RBM19: variants seen among roughly 807,000 people sequenced by gnomAD.
RBM19 encodes the protein probable RNA-binding protein 19.
RBM19 carries 94 observed loss-of-function variants against 116.8 expected under a neutral mutation model. The ratio of observed to expected loss-of-function variants is 0.80; its 90% confidence interval spans 0.68 to 0.95. The LOEUF (loss-of-function observed/expected upper bound fraction) is 0.95. Ranked by LOEUF, RBM19 falls within the 40% of genes least tolerant of loss-of-function variation. RBM19 has a pLI of 0.00. For synonymous variants in RBM19, 475 were observed against 494.1 expected (o/e 0.96, Z 0.51); for missense variants, 1,161 against 1,220.7 (o/e 0.95, Z 0.73).
intron 18 of RBM19, among the ~76,000 whole-genome samples, chr12:113,924,097 G>A (rs371311809): frequency 6.6e-5 from 10 of 152,210 alleles, no homozygotes; most frequent in African/African-American, 2.4e-4. Context: ...AGGAAGCCAG[G>A]GCTGGAGCCC....
At chr12:113,826,470 C>A (rs995250800) in intron 23 of RBM19, among the ~76,000 whole-genome samples, 4 of 152,200 alleles carry the variant, frequency 2.6e-5, no homozygotes, top group African/African-American at 9.7e-5. Context: ...GAAGGACAAA[C>A]AGCAGCTGAG....
intron 10 of RBM19, among the ~76,000 whole-genome samples, chr12:113,947,732 A>G (rs1871153637): frequency 6.6e-6 from 1 of 152,184 alleles, no homozygotes; most frequent in African/African-American, 2.4e-5. Context: ...TACCTAGCTC[A>G]TGGGCTAAAT....
At position 113,924,761 on chromosome 12, in the gene RBM19, G is replaced by C. The variant is rs761391939; in HGVS notation, c.2245-4C>G. Reference sequence around the variant, plus strand: ...CTGTCCCCACTTTTGAAAACACCTGGATAAGAAAGTAACAAGTATCATCAG... The same window carrying C: ...CTGTCCCCACTTTTGAAAACACCTGCATAAGAAAGTAACAAGTATCATCAG... On this transcript the variant is annotated splice_region_variant and splice_polypyrimidine_tract_variant and intron_variant, in intron 17 of 23. Coordinates refer to ENST00000261741, the MANE Select transcript of RBM19 (RefSeq NM_016196.4). 3.9e-6 allele frequency: 6 copies of C among 1,539,642 alleles called. No homozygotes were observed. Among genetic ancestry groups the C allele is most frequent in the Non-Finnish European group, 5.4e-6 (6 of 1,112,528 alleles).
Position 113,957,904 on chromosome 12 carries a change from T to G in RBM19, c.718A>C (p.Ser240Arg). The G allele has an allele frequency of 6.2e-7, 1 of 1,614,158 alleles. No homozygotes were observed. The highest frequency in any genetic ancestry group is 8.5e-7 in the Non-Finnish European group (1 of 1,180,024). Residue 240 changes from serine to arginine, a missense_variant, in exon 6 of 24, where the codon AGT (serine) becomes CGT (arginine). Physicochemically the swap from Ser to Arg is moderately radical, Grantham distance 110. Transcript: ENST00000261741. ...GAGGAATCCTCTTCCTCGGCCTCACTCCCTTCATCACAGTGCACGGCTTCA... is the reference window on the plus strand; with the variant it reads ...GAGGAATCCTCTTCCTCGGCCTCACGCCCTTCATCACAGTGCACGGCTTCA... ...EDEAVHCDEG[S>R]EAEEEDSSAT...
rs905178340 is a variant in RBM19 at position 113,924,834 on chromosome 12, C to T, written c.2245-77G>A. On this transcript the variant is annotated intron_variant, in intron 17 of 23. Coordinates refer to ENST00000261741, the MANE Select transcript of RBM19 (RefSeq NM_016196.4). ...CAAGGGCACCTGTCAAACACTATAC[C>T]CCCAAATTTGCCATATGGACACCTT... The T allele has an allele frequency of 4.8e-6, 6 of 1,261,902 alleles. No individual in the cohort carries two copies. The Admixed American group carries it at 5.1e-5, about 11-fold the overall frequency. The allele number at this position is 1,261,902 out of a possible 1,614,324, so 78.2% of individuals were successfully genotyped here. A position where few individuals can be genotyped will look rare whatever the true frequency, so the allele number is the denominator to read the frequency against.
chr12:113,821,003 C>G (rs887399007), downstream of RBM19, among the ~76,000 whole-genome samples: 2 of 152,204 alleles, frequency 1.3e-5, no homozygotes, highest in Non-Finnish European at 2.9e-5. Flanking sequence ...TGGCAGGGGC[C>G]TGCAGCTGCC....
chr12:113,864,625 T>C (rs1052568551), intron 21 of RBM19, among the ~76,000 whole-genome samples: 5 of 152,196 alleles, frequency 3.3e-5, no homozygotes, highest in South Asian at 4.1e-4. Context: ...TTGTGGCAAG[T>C]TGGAGAGATA....
chr12:113,833,265 T>C (rs1452967948), intron 23 of RBM19, among the ~76,000 whole-genome samples: 1 of 152,202 alleles, frequency 6.6e-6, no homozygotes, highest in African/African-American at 2.4e-5. Context: ...CAGAAGCAAG[T>C]CTGGCTGGCT....
At chr12:113,879,354 G>C (rs1051468185) in intron 21 of RBM19, among the ~76,000 whole-genome samples, 3 of 151,106 alleles carry the variant, frequency 2.0e-5, no homozygotes, top group African/African-American at 7.3e-5. Flanking sequence ...AGGTCTTCTG[G>C]TTTGGAGAGA....
chr12:113,921,541 T>C lies in RBM19; in HGVS notation c.2306-851A>G, dbSNP rs567518498. ...ACTTTGCAGGTCCTATCTTTACCTT[T>C]ACTGTGCTGTTTGTGAGACCTATGC... On this transcript the variant is annotated intron_variant, in intron 18 of 23. Transcript: ENST00000261741. Among the ~76,000 whole-genome samples, 5 of 152,202 alleles carry C rather than the reference T, an allele frequency of 3.3e-5. No homozygotes were observed. The South Asian group carries it at 1.0e-3, about 32-fold the overall frequency.
chr12:113,871,151 G>A (rs560869751), intron 21 of RBM19, among the ~76,000 whole-genome samples: 21 of 152,334 alleles, frequency 1.4e-4, no homozygotes, highest in Middle Eastern at 3.4e-3. Flanking sequence ...AGGAGATGTT[G>A]TCACGCACTC....
At chr12:113,960,330 C>T (rs1872384318) in intron 2 of RBM19, 152 bp from the exon 3 acceptor site, 1 of 933,600 alleles carries the variant, frequency 1.1e-6, no homozygotes, top group South Asian at 1.7e-5. Context: ...TTAGCCTGGG[C>T]TTTCTTTCCC....
At chr12:113,894,614 C>A (rs994274373) in intron 21 of RBM19, among the ~76,000 whole-genome samples, 1 of 152,182 alleles carries the variant, frequency 6.6e-6, no homozygotes, top group African/African-American at 2.4e-5. Flanking sequence ...TTTCTTTCAA[C>A]TGACATTTTT....
chr12:113,927,977 T>C (rs1299773308), intron 16 of RBM19, among the ~76,000 whole-genome samples: 1 of 152,204 alleles, frequency 6.6e-6, no homozygotes, highest in African/African-American at 2.4e-5. Context: ...ATATAAAAGT[T>C]AGAGAAAAAT....
chr12:113,950,094 C>T lies in RBM19; in HGVS notation c.1061G>A (p.Arg354Gln), dbSNP rs199576221. 3.1e-5 allele frequency: 50 copies of T among 1,606,956 alleles called. No individual in the cohort carries two copies. The highest frequency in any genetic ancestry group is 1.7e-4 in the Middle Eastern group (1 of 6,050). ...CAGGGCTTCCTTACCCATGTACTCC[C>T]GGTTGCATTTCAGAGCTTGCTTCAC... ...EEVKQALKCN[R>Q]EYMGGRYIEV... Residue 354 changes from arginine to glutamine, a missense_variant, in exon 9 of 24, where the codon CGG (arginine) becomes CAG (glutamine). Physicochemically the swap from Arg to Gln is conservative, Grantham distance 43. Coordinates refer to ENST00000261741, the MANE Select transcript of RBM19 (RefSeq NM_016196.4).
At chr12:113,954,982 G>T (rs1302705156) in intron 7 of RBM19, 149 bp downstream of exon 7, 15 of 720,744 alleles carry the variant, frequency 2.1e-5, no homozygotes, top group Non-Finnish European at 3.6e-5. Context: ...TGCCGGAGAT[G>T]TTATTTCTCA....
In RBM19 at chr12:113,928,624, G is replaced by GGTGTGTGTGTGTGTGT. The variant is rs757641377; in HGVS notation, c.2069-1396_2069-1395insACACACACACACACAC. Among the ~76,000 whole-genome samples, 216 of 54,298 alleles carry GGTGTGTGTGTGTGTGT rather than the reference G, an allele frequency of 4.0e-3. 2 individuals carry two copies. Among genetic ancestry groups the GGTGTGTGTGTGTGTGT allele is most frequent in the African/African-American group, 0.016 (211 of 13,280 alleles). The allele number at this position is 54,298 out of a possible 152,430, so 35.6% of individuals were successfully genotyped here. A position where few individuals can be genotyped will look rare whatever the true frequency, so the allele number is the denominator to read the frequency against. ...GATGTGAAGTTGTGAGTTAGCAAGG[G>GGTGTGTGTGTGTGTGT]ATGTGTGTGTGTGTGTGTGTGTGTG... On this transcript the variant is annotated intron_variant, in intron 16 of 23. Transcript: ENST00000261741.
chr12:113,920,125 A>T (rs1335926188), intron 19 of RBM19, among the ~76,000 whole-genome samples: 1 of 151,922 alleles, frequency 6.6e-6, no homozygotes, highest in Non-Finnish European at 1.5e-5. Context: ...CTCCTCCCCA[A>T]CTACCTCCCT....
intron 16 of RBM19, among the ~76,000 whole-genome samples, chr12:113,934,254 C>T (rs936154110): frequency 3.3e-5 from 5 of 152,206 alleles, no homozygotes; most frequent in African/African-American, 7.2e-5. Flanking sequence ...CCAACAGCAG[C>T]GGAAGACTGG....
Sources: allele counts gnomAD v4.1 joint callset (sites outside exome capture counted in the v4.1 genomes callset), GRCh38; gene constraint gnomAD v4.1.1; transcripts MANE v1.5; gene names NCBI Gene and HGNC (gene_info 2026-07-23, HGNC 2026-07-21).